The following AKAP13 variants were observed in gnomAD, a reference collection of about 807,000 sequenced individuals.
The protein encoded by AKAP13 is A-kinase anchor protein 13.
AKAP13 carries 80 observed loss-of-function variants against 264.5 expected under a neutral mutation model. The ratio of observed to expected loss-of-function variants is 0.30; its 90% CI spans 0.25 to 0.36. The LOEUF (loss-of-function observed/expected upper bound fraction) is 0.36. Among genes scored for constraint, AKAP13 ranks in the 10% least tolerant of loss-of-function variants. The probability of loss-of-function intolerance (pLI) is 1.00; values close to 1 mark genes in which losing one functional copy is unlikely to be tolerated. For synonymous variants in AKAP13, 1,380 were observed against 1,250.2 expected (o/e 1.10, Z -2.19); for missense variants, 3,712 against 3,435.2 (o/e 1.08, Z -2.01).
chr15:85,553,476 C>T (rs573313681), intron 5 of AKAP13, among the ~76,000 whole-genome samples: 6 of 152,214 alleles, frequency 3.9e-5, no homozygotes, highest in East Asian at 1.9e-4. Flanking sequence ...GTTATCTAGC[C>T]GGTGCACTAT....
intron 14 of AKAP13, among the ~76,000 whole-genome samples, chr15:85,672,271 A>AT (rs1176215934): frequency 1.3e-5 from 2 of 152,252 alleles, no homozygotes; most frequent in Non-Finnish European, 2.9e-5. Flanking sequence ...CTAATAGCAT[A>AT]TGCTGCAACA....
intron 17 of AKAP13, among the ~76,000 whole-genome samples, chr15:85,706,052 CT>C (rs2086232478): frequency 6.6e-6 from 1 of 152,200 alleles, no homozygotes; most frequent in African/African-American, 2.4e-5. Context: ...TCTTTTTATA[CT>C]TTTTCTGTAG....
chr15:85,465,728 A>G (rs1029860382), intron 1 of AKAP13, among the ~76,000 whole-genome samples: 4 of 151,232 alleles, frequency 2.6e-5, no homozygotes, highest in African/African-American at 4.9e-5. Context: ...TATATGTGCC[A>G]CATTTTCTTA....
chr15:85,686,196 T>C (rs2084915065), intron 16 of AKAP13, among the ~76,000 whole-genome samples: 1 of 151,694 alleles, frequency 6.6e-6, no homozygotes, highest in African/African-American at 2.4e-5. Flanking sequence ...CATGCATGTG[T>C]GTGTGTGTGT....
intron 2 of AKAP13, chr15:85,520,719 C>G (rs766595795): frequency 9.6e-6 from 5 of 518,594 alleles, no homozygotes; most frequent in African/African-American, 9.6e-5. Flanking sequence ...TATTATAGAC[C>G]GAGAGTTGAA....
intron 8 of AKAP13, among the ~76,000 whole-genome samples, chr15:85,595,132 C>T (rs1214240859): frequency 6.6e-6 from 1 of 152,090 alleles, no homozygotes; most frequent in Admixed American, 6.5e-5. Flanking sequence ...TAGGGTCTCA[C>T]TTTGTTGCCC....
rs1307536907 is a variant in AKAP13, at chr15:85,580,102, G to A, written c.2034G>A (p.Leu678=). 1 of 1,614,132 alleles carries A rather than the reference G, an allele frequency of 6.2e-7. No individual in the cohort carries two copies. Among genetic ancestry groups the A allele is most frequent in the Non-Finnish European group, 8.5e-7 (1 of 1,180,020 alleles). The change falls in exon 7 of 37, where the codon TTG becomes TTA. Residue 678 remains leucine (L), a synonymous_variant. Transcript: ENST00000394518. The part of the protein sequence containing the change: ...QQNTVTSSGD[L]VAKLCDNIVS... ...ACACAGTGACTTCTAGTGGCGATTT[G>A]GTTGCAAAACTGTGTGATAACATAG...
rs748223319 is a variant in AKAP13, at chr15:85,747,122, A to G, written c.*2445A>G. 3.9e-5 allele frequency: 6 copies of G among 152,228 alleles called. No homozygotes were observed. The highest frequency in any genetic ancestry group is 7.3e-5 in the Non-Finnish European group (5 of 68,052). The allele number at this position is 152,228 out of a possible 1,614,324, so 9.4% of individuals were successfully genotyped here. A position where few individuals can be genotyped will look rare whatever the true frequency, so the allele number is the denominator to read the frequency against. ...GTTCTGGTTGGACAAGTTTAAAATC[A>G]AAGTAGTGCCCGGAATTCCCTCAAA... is the stretch of plus-strand genomic sequence containing the variant. On this transcript the variant is annotated 3_prime_UTR_variant, in exon 37 of 37. Transcript: ENST00000394518.
chr15:85,391,635 C>T (rs2070862033), intron 1 of AKAP13, among the ~76,000 whole-genome samples: 1 of 151,630 alleles, frequency 6.6e-6, no homozygotes. Flanking sequence ...CCGGTGTGCA[C>T]CACCACGTCC....
chr15:85,535,765 G>A (rs1192847465), intron 4 of AKAP13: 3 of 150,976 alleles, frequency 2.0e-5, no homozygotes, highest in South Asian at 2.1e-4. Flanking sequence ...GCAAACATCT[G>A]AAACTTTGGA....
intron 8 of AKAP13, among the ~76,000 whole-genome samples, chr15:85,613,691 A>AAAAAAAATATATAT (rs1313187436): frequency 2.2e-5 from 2 of 91,968 alleles, no homozygotes; most frequent in Non-Finnish European, 4.4e-5. Context: ...AAAAAAAAAA[A>AAAAAAAATATATAT]ATATATATAT....
chr15:85,575,565 G>A (rs1320591783), intron 6 of AKAP13, among the ~76,000 whole-genome samples: 2 of 152,090 alleles, frequency 1.3e-5, no homozygotes, highest in African/African-American at 2.4e-5. Flanking sequence ...GGTGGCGGGC[G>A]CCTGTAGTCC....
chr15:85,520,643 G>GA (rs2076788576), intron 2 of AKAP13: 1 of 518,748 alleles, frequency 1.9e-6, no homozygotes, highest in Non-Finnish European at 3.8e-6. Flanking sequence ...AGAAGAGTAG[G>GA]AATGTCAGAT....
intron 5 of AKAP13, 85 bp from the exon 6 acceptor site, chr15:85,575,046 A>G: frequency 7.4e-7 from 1 of 1,343,766 alleles, no homozygotes; most frequent in Non-Finnish European, 1.1e-6. Context: ...CAATCAGGTT[A>G]GAAATACGAA....
At chr15:85,485,592 A>G (rs2075513493) in intron 1 of AKAP13, 118 bp from the exon 2 acceptor site, 19 of 797,886 alleles carry the variant, frequency 2.4e-5, no homozygotes, top group South Asian at 2.0e-4. Context: ...GCATATGGTA[A>G]TCTCGGGCAC....
intron 5 of AKAP13, among the ~76,000 whole-genome samples, chr15:85,556,475 G>A (rs1464715747): frequency 6.6e-6 from 1 of 152,026 alleles, no homozygotes; most frequent in Non-Finnish European, 1.5e-5. Flanking sequence ...TGGCTAAGTG[G>A]CACATGACTG....
chr15:85,384,607 C>T (rs369425954), intron 1 of AKAP13, among the ~76,000 whole-genome samples: 1 of 151,266 alleles, frequency 6.6e-6, no homozygotes, highest in Non-Finnish European at 1.5e-5. Context: ...ATCCCAGCTA[C>T]TTGGGAGGCT....
chr15:85,484,799 G>T (rs2075478608), intron 1 of AKAP13, among the ~76,000 whole-genome samples: 1 of 152,212 alleles, frequency 6.6e-6, no homozygotes, highest in South Asian at 2.1e-4. Flanking sequence ...TGATTTGTTA[G>T]AATACAAAGT....
chr15:85,384,813 C>T (rs879587376), intron 1 of AKAP13, among the ~76,000 whole-genome samples: 1 of 151,288 alleles, frequency 6.6e-6, no homozygotes, highest in Non-Finnish European at 1.5e-5. Flanking sequence ...TTATAGTTTT[C>T]TCGTCCACCT....
Sources: gnomAD v4.1 joint callset for allele counts (sites outside exome capture counted in the v4.1 genomes callset) on GRCh38, gnomAD v4.1.1 for gene constraint, MANE v1.5 for transcripts, NCBI Gene and HGNC (gene_info 2026-07-23, HGNC 2026-07-21) for gene names.